The following TENM3 variants were observed in gnomAD, a reference collection of about 807,000 sequenced individuals.
TENM3 encodes the protein teneurin transmembrane protein 3, also known as teneurin-3.
A neutral mutation model predicts 255.1 loss-of-function variants in TENM3; 63 were observed. The ratio of observed to expected loss-of-function variants is 0.25; its 90% CI spans 0.20 to 0.30. The LOEUF (loss-of-function observed/expected upper bound fraction) is 0.30, where lower values mean the gene tolerates loss of function less well. Among genes scored for constraint, TENM3 ranks in the 10% least tolerant of loss-of-function variants. The pLI, the probability that TENM3 is intolerant of heterozygous loss-of-function variation, is 1.00. For synonymous variants in TENM3, 1,306 were observed against 1,322.3 expected (o/e 0.99, Z 0.27); for missense variants, 2,929 against 3,461.1 (o/e 0.85, Z 3.86).
intron 18 of TENM3, among the ~76,000 whole-genome samples, chr4:182,742,140 A>G (rs1318896210): frequency 4.6e-5 from 7 of 152,242 alleles, no homozygotes; most frequent in Non-Finnish European, 7.3e-5. Context: ...ATGGAACAAT[A>G]GCAGCTGACT....
chr4:181,851,122 C>T, the TENM3 span, among the ~76,000 whole-genome samples: 1 of 152,212 alleles, frequency 6.6e-6, no homozygotes, highest in East Asian at 1.9e-4. Flanking sequence ...CAGCCTCCTT[C>T]TCCACTACAA....
At position 182,801,135 on chromosome 4, in the gene TENM3, G is replaced by C. The variant is rs1380652661; in HGVS notation, c.*784G>C. 1 of 152,312 alleles carries C rather than the reference G, an allele frequency of 6.6e-6. No individual in the cohort carries two copies. Among genetic ancestry groups the C allele is most frequent in the African/African-American group, 2.4e-5 (1 of 41,182 alleles). The allele number at this position is 152,312 out of a possible 1,614,324, so 9.4% of individuals were successfully genotyped here. A position where few individuals can be genotyped will look rare whatever the true frequency, so the allele number is the denominator to read the frequency against. ...ATAAAATGATAAAAACGTGAACTGTGTGATTTTTTTAAAAGGATTGCACCT... is the reference window on the plus strand; with the variant it reads ...ATAAAATGATAAAAACGTGAACTGTCTGATTTTTTTAAAAGGATTGCACCT... On this transcript the variant is annotated 3_prime_UTR_variant, in exon 28 of 28. Transcript: ENST00000511685.
At chr4:182,182,772 G>T (rs1269669996) in intron 1 of TENM3, among the ~76,000 whole-genome samples, 2 of 152,130 alleles carry the variant, frequency 1.3e-5, no homozygotes, top group Non-Finnish European at 2.9e-5. Flanking sequence ...TTGTTGGAAG[G>T]ATGAAGTTAG....
the TENM3 span, among the ~76,000 whole-genome samples, chr4:182,066,774 G>T: frequency 1.3e-5 from 2 of 151,898 alleles, no homozygotes; most frequent in Non-Finnish European, 2.9e-5. Context: ...AGCCGGGCGT[G>T]GTGGCAGGCG....
At chr4:181,513,780 T>G in the TENM3 span, among the ~76,000 whole-genome samples, 55 of 152,314 alleles carry the variant, frequency 3.6e-4, no homozygotes, top group Middle Eastern at 3.4e-3. Flanking sequence ...GTCGCTTGTT[T>G]TCTTGTCCCT....
At chr4:181,966,682 T>G in the TENM3 span, among the ~76,000 whole-genome samples, 1 of 152,178 alleles carries the variant, frequency 6.6e-6, no homozygotes, top group African/African-American at 2.4e-5. Context: ...CAGATGTAAT[T>G]TGAAGACATT....
At chr4:181,607,817 T>C in the TENM3 span, among the ~76,000 whole-genome samples, 1 of 152,238 alleles carries the variant, frequency 6.6e-6, no homozygotes, top group Non-Finnish European at 1.5e-5. Context: ...CAAATTGCTC[T>C]GCCAAATCAA....
At chr4:182,777,239 G>A (rs1197847103) in intron 24 of TENM3, among the ~76,000 whole-genome samples, 1 of 152,040 alleles carries the variant, frequency 6.6e-6, no homozygotes, top group Non-Finnish European at 1.5e-5. Flanking sequence ...CTAGCAGAAT[G>A]TCCTGTTCAT....
At chr4:181,664,665 T>C in the TENM3 span, among the ~76,000 whole-genome samples, 6 of 152,120 alleles carry the variant, frequency 3.9e-5, no homozygotes, top group Non-Finnish European at 8.8e-5. Context: ...CCTTAGCACA[T>C]GGCTTCAGCA....
intron 3 of TENM3, among the ~76,000 whole-genome samples, chr4:182,586,948 T>C (rs1403803203): frequency 6.6e-6 from 1 of 152,216 alleles, no homozygotes; most frequent in Non-Finnish European, 1.5e-5. Context: ...CTTCAATTAT[T>C]TGTTTTTCCT....
intron 1 of TENM3, among the ~76,000 whole-genome samples, chr4:182,166,678 C>G (rs896765776): frequency 1.3e-5 from 2 of 152,104 alleles, no homozygotes; most frequent in Non-Finnish European, 2.9e-5. Context: ...GTTGCCCAGG[C>G]TAGAGTGCAG....
the TENM3 span, among the ~76,000 whole-genome samples, chr4:181,753,541 A>G: frequency 3.9e-5 from 6 of 151,962 alleles, no homozygotes; most frequent in African/African-American, 1.5e-4. Context: ...AAAAAAAAAA[A>G]AGATGGATTT....
the TENM3 span, among the ~76,000 whole-genome samples, chr4:181,721,340 A>G: frequency 6.6e-6 from 1 of 151,684 alleles, no homozygotes; most frequent in Non-Finnish European, 1.5e-5. Context: ...CCCTACCTCC[A>G]CATGATCAAA....
chr4:182,687,713 A>G (rs1490701594), intron 11 of TENM3, among the ~76,000 whole-genome samples: 1 of 152,140 alleles, frequency 6.6e-6, no homozygotes, highest in Admixed American at 6.5e-5. Context: ...AAACAACCCC[A>G]TTTCAAATTC....
chr4:182,770,105 G>GA (rs34469288), intron 22 of TENM3, among the ~76,000 whole-genome samples: 1,495 of 92,420 alleles, frequency 0.016, 14 homozygotes, highest in African/African-American at 0.043. Context: ...GACTTGTCTC[G>GA]AAAAAAAAAA....
chr4:182,571,322 T>C (rs1744338855), intron 3 of TENM3, among the ~76,000 whole-genome samples: 1 of 152,126 alleles, frequency 6.6e-6, no homozygotes, highest in Admixed American at 6.5e-5. Flanking sequence ...GCCCAGGAGT[T>C]TGAGACCAGC....
the TENM3 span, among the ~76,000 whole-genome samples, chr4:181,990,355 A>C: frequency 6.6e-6 from 1 of 152,148 alleles, no homozygotes; most frequent in Non-Finnish European, 1.5e-5. Flanking sequence ...ATACGATTTG[A>C]TACATAATTC....
chr4:182,643,548 A>G (rs1250610870), intron 5 of TENM3, among the ~76,000 whole-genome samples: 1 of 152,188 alleles, frequency 6.6e-6, no homozygotes, highest in Non-Finnish European at 1.5e-5. Flanking sequence ...TTCTTTGTAA[A>G]TGAGAGAGCC....
At chr4:182,791,651 T>C (rs1766111435) in intron 25 of TENM3, among the ~76,000 whole-genome samples, 1 of 152,222 alleles carries the variant, frequency 6.6e-6, no homozygotes, top group Non-Finnish European at 1.5e-5. Context: ...TGTATGTGTA[T>C]ATATAATATT....
Sources: allele counts gnomAD v4.1 joint callset (sites outside exome capture counted in the v4.1 genomes callset), GRCh38; gene constraint gnomAD v4.1.1; transcripts MANE v1.5; gene names NCBI Gene and HGNC (gene_info 2026-07-23, HGNC 2026-07-21).